DOCK9: variants seen among roughly 807,000 people sequenced by gnomAD.
DOCK9 encodes dedicator of cytokinesis 9, also known as dedicator of cytokinesis protein 9.
A neutral mutation model predicts 263.3 loss-of-function variants in DOCK9; 89 were observed. That is an observed-to-expected ratio of 0.34 (90% CI 0.28 to 0.40). The LOEUF is 0.40. Among genes scored for constraint, DOCK9 ranks in the 10% least tolerant of loss-of-function variants. DOCK9 has a pLI of 1.00. For synonymous variants in DOCK9, 976 were observed against 973.1 expected, an observed-to-expected ratio of 1.00 and a Z score of -0.06; for missense variants, 2,140 against 2,603.4, an observed-to-expected ratio of 0.82 and a Z score of 3.87.
At chr13:99,047,025 A>G (rs980628638) in intron 1 of DOCK9, among the ~76,000 whole-genome samples, 3 of 152,188 alleles carry the variant, frequency 2.0e-5, no homozygotes, top group Admixed American at 6.5e-5. Flanking sequence ...AAGACAAAAT[A>G]TTTATTTAAA....
chr13:99,061,147 T>C (rs2041169622), intron 1 of DOCK9, among the ~76,000 whole-genome samples: 2 of 152,198 alleles, frequency 1.3e-5, no homozygotes, highest in Admixed American at 6.5e-5. Flanking sequence ...AGCTGCTCTA[T>C]AAATGTTTAC....
chr13:98,994,188 G>A (rs1283971647), intron 1 of DOCK9, among the ~76,000 whole-genome samples: 1 of 152,210 alleles, frequency 6.6e-6, no homozygotes, highest in African/African-American at 2.4e-5. Flanking sequence ...ACAGAAGCTG[G>A]GGTGCCTACC....
rs1195928120 is a variant in DOCK9 at position 98,992,927 on chromosome 13, CA to C, written c.130-37377del. Among the ~76,000 whole-genome samples the C allele has an allele frequency of 3.9e-5, 6 of 151,938 alleles. No homozygotes were observed. The South Asian group carries it at 1.2e-3, about 31-fold the overall frequency. On this transcript the variant is annotated intron_variant, in intron 1 of 32. Coordinates refer to the DOCK9 transcript ENST00000427887. ...GTGAAGAGAGTAAAAGGTGTTCAAG[CA>C]AAAAGGAAGTACATATCCAGAAAGG...
At chr13:99,073,042 T>C (rs1053639130) in intron 1 of DOCK9, among the ~76,000 whole-genome samples, 5 of 152,082 alleles carry the variant, frequency 3.3e-5, no homozygotes, top group Admixed American at 2.6e-4. Context: ...ATCCAAAATA[T>C]GGAACCAAGG....
At chr13:99,087,177 C>T (rs1315880887), upstream of DOCK9, among the ~76,000 whole-genome samples, 2 of 151,998 alleles carry the variant, frequency 1.3e-5, no homozygotes, top group Non-Finnish European at 2.9e-5. Context: ...CGGAACCTGG[C>T]GCGGGGCGCC....
chr13:98,984,681 T>A (rs899646937), intron 1 of DOCK9, among the ~76,000 whole-genome samples: 1 of 152,188 alleles, frequency 6.6e-6, no homozygotes, highest in Non-Finnish European at 1.5e-5. Flanking sequence ...GATAATGGTA[T>A]AGAGGAAGCT....
chr13:98,826,593 T>C (rs1261585238), intron 44 of DOCK9, among the ~76,000 whole-genome samples: 2 of 152,196 alleles, frequency 1.3e-5, no homozygotes, highest in African/African-American at 2.4e-5. Flanking sequence ...TTTTGCAGAG[T>C]GAAGCTATCA....
chr13:99,030,718 C>G (rs9517557), intron 1 of DOCK9, among the ~76,000 whole-genome samples: 2 of 152,030 alleles, frequency 1.3e-5, no homozygotes, highest in Non-Finnish European at 2.9e-5. Flanking sequence ...TAATTGACCA[C>G]TGGCATCAAA....
At chr13:98,801,055 G>T (rs112846227) in intron 49 of DOCK9, among the ~76,000 whole-genome samples, 113 of 152,320 alleles carry the variant, frequency 7.4e-4, no homozygotes, top group African/African-American at 2.5e-3. Flanking sequence ...AAGGCTGGTA[G>T]ATCACTTGAG....
intron 43 of DOCK9, among the ~76,000 whole-genome samples, chr13:98,827,661 A>C (rs1337883212): frequency 2.0e-5 from 3 of 152,238 alleles, no homozygotes; most frequent in Non-Finnish European, 4.4e-5. Context: ...TGATGTGTGC[A>C]GAGAGAAGTC....
chr13:99,049,076 TTCAA>T (rs780245164), intron 1 of DOCK9, among the ~76,000 whole-genome samples: 3 of 152,224 alleles, frequency 2.0e-5, no homozygotes, highest in African/African-American at 4.8e-5. Flanking sequence ...TTGTACAGAC[TTCAA>T]TCAATCACTC....
At chr13:99,058,066 G>A (rs576566800) in intron 1 of DOCK9, among the ~76,000 whole-genome samples, 1 of 151,914 alleles carries the variant, frequency 6.6e-6, no homozygotes, top group Non-Finnish European at 1.5e-5. Flanking sequence ...AACTGTACAT[G>A]ACCAACAAAC....
rs915062329 is a variant in DOCK9, at chr13:99,052,078, A to T, written c.129+34145T>A. ...GATTCAAAACATCCTTAATAACCATAAGTCATTAGCTCTCAGCACGACCAA... is the reference window on the plus strand; with the variant it reads ...GATTCAAAACATCCTTAATAACCATTAGTCATTAGCTCTCAGCACGACCAA... On this transcript the variant is annotated intron_variant, in intron 1 of 32. Transcript: ENST00000427887. 4.6e-5 allele frequency among the ~76,000 whole-genome samples: 7 copies of T among 152,306 alleles called. No homozygotes were observed. The South Asian group carries it at 1.2e-3, about 27-fold the overall frequency.
rs1253091623 is a variant in DOCK9, at chr13:98,825,698, G to A, written c.5023+1132C>T. Among the ~76,000 whole-genome samples the A allele has an allele frequency of 2.0e-5, 3 of 150,626 alleles. No homozygotes were observed. The highest frequency in any genetic ancestry group is 3.0e-5 in the Non-Finnish European group (2 of 67,490). ...ATGGAATAACAAAAATGGTGGCCAA[G>A]GTGCTTTCCTCTTGTGCCCACAGGA... On this transcript the variant is annotated intron_variant, in intron 44 of 52. Transcript: ENST00000682017. This position sits in a 1 kb window ranked among gnomAD's most constrained non-coding sequence, Gnocchi z 4.1.
chr13:99,086,219 TC>T, intron 1 of DOCK9: 2 of 1,498,692 alleles, frequency 1.3e-6, no homozygotes, highest in Non-Finnish European at 1.8e-6. Flanking sequence ...CGTCCCGCAC[TC>T]ACCAGGAGCA....
intron 2 of DOCK9, among the ~76,000 whole-genome samples, chr13:98,949,008 A>C (rs1317920753): frequency 1.3e-5 from 2 of 152,204 alleles, no homozygotes; most frequent in Non-Finnish European, 2.9e-5. Context: ...TGCTGATCTC[A>C]ATAGGGGTGA....
intron 1 of DOCK9, among the ~76,000 whole-genome samples, chr13:99,052,539 T>A (rs1273026103): frequency 6.6e-6 from 1 of 152,210 alleles, no homozygotes; most frequent in African/African-American, 2.4e-5. Flanking sequence ...TTTTTCCATA[T>A]ACCTGTTGGC....
intron 21 of DOCK9, 48 bp downstream of exon 21, chr13:98,884,923 A>C (rs1454656789): frequency 1.1e-5 from 17 of 1,573,906 alleles, no homozygotes; most frequent in Non-Finnish European, 1.5e-5. Flanking sequence ...TTGTTCTTTA[A>C]TGTTTTCTGA....
intron 9 of DOCK9, among the ~76,000 whole-genome samples, chr13:98,911,246 G>C (rs531416697): frequency 1.3e-5 from 2 of 152,120 alleles, no homozygotes; most frequent in African/African-American, 4.8e-5. Context: ...AAAGCCAGGG[G>C]GAAAGAGTAA....
Sources: gnomAD v4.1 joint callset for allele counts (sites outside exome capture counted in the v4.1 genomes callset) on GRCh38, gnomAD v4.1.1 for gene constraint, Gnocchi (gnomAD v3.1) non-coding constraint, MANE v1.5 for transcripts, NCBI Gene and HGNC (gene_info 2026-07-23, HGNC 2026-07-21) for gene names.